The following CSMD1 variants were observed in gnomAD, a reference collection of about 807,000 sequenced individuals.
CSMD1 encodes CUB and sushi domain-containing protein 1.
A neutral mutation model predicts 417.5 loss-of-function variants in CSMD1; 213 were observed. The ratio of observed to expected loss-of-function variants is 0.51; its 90% CI spans 0.46 to 0.57. The LOEUF (loss-of-function observed/expected upper bound fraction) is 0.57, where lower values mean the gene tolerates loss of function less well. Among genes scored for constraint, CSMD1 ranks in the 20% least tolerant of loss-of-function variants. The pLI, the probability that CSMD1 is intolerant of heterozygous loss-of-function variation, is 0.00. For synonymous variants in CSMD1, 2,862 were observed against 1,736.8 expected (o/e 1.65, Z -16.11); for missense variants, 6,923 against 4,529.7 (o/e 1.53, Z -15.17).
intron 5 of CSMD1, among the ~76,000 whole-genome samples, chr8:3,903,163 T>A (rs1807873973): frequency 6.6e-6 from 1 of 152,128 alleles, no homozygotes. Context: ...TGCATTCCAT[T>A]TAGCGATTGA....
intron 3 of CSMD1, among the ~76,000 whole-genome samples, chr8:4,188,446 G>C (rs1213348513): frequency 1.3e-5 from 2 of 152,228 alleles, no homozygotes; most frequent in East Asian, 3.9e-4. Flanking sequence ...CTGAAATCCA[G>C]CCTGAGAAAC....
chr8:4,279,732 G>A (rs983515171), intron 3 of CSMD1, among the ~76,000 whole-genome samples: 7 of 152,196 alleles, frequency 4.6e-5, no homozygotes, highest in African/African-American at 1.2e-4. Flanking sequence ...AATTTTCAAT[G>A]CAGCATTTCT....
At chr8:4,564,166 G>C (rs1353905781) in intron 2 of CSMD1, among the ~76,000 whole-genome samples, 1 of 152,132 alleles carries the variant, frequency 6.6e-6, no homozygotes, top group African/African-American at 2.4e-5. Flanking sequence ...GAAGATAATG[G>C]TCAAGTCATT....
intron 52 of CSMD1, among the ~76,000 whole-genome samples, chr8:3,017,912 G>C (rs928366328): frequency 6.8e-6 from 1 of 147,296 alleles, no homozygotes; most frequent in Non-Finnish European, 1.5e-5. Context: ...GACCTACTAA[G>C]ATCACTCTTT....
intron 3 of CSMD1, among the ~76,000 whole-genome samples, chr8:4,174,477 G>T (rs1047944771): frequency 6.6e-6 from 1 of 151,490 alleles, no homozygotes; most frequent in African/African-American, 2.4e-5. Context: ...GGTTTGGAAG[G>T]TTATTAAATC....
intron 2 of CSMD1, among the ~76,000 whole-genome samples, chr8:4,489,821 G>C (rs1251444951): frequency 6.6e-6 from 1 of 152,146 alleles, no homozygotes; most frequent in Non-Finnish European, 1.5e-5. Context: ...TAGTCAGGCT[G>C]CCACCTGACT....
chr8:3,064,622 C>G (rs1812798380), intron 49 of CSMD1, among the ~76,000 whole-genome samples: 1 of 152,060 alleles, frequency 6.6e-6, no homozygotes, highest in Admixed American at 6.5e-5. Context: ...AACATATGAT[C>G]CAAACGTGGA....
intron 3 of CSMD1, among the ~76,000 whole-genome samples, chr8:4,048,796 G>A (rs1050836128): frequency 4.6e-5 from 7 of 152,152 alleles, no homozygotes; most frequent in African/African-American, 7.2e-5. Context: ...TTATTATACA[G>A]TATATGTAGT....
chr8:4,910,227 G>T (rs1470354393), intron 1 of CSMD1, among the ~76,000 whole-genome samples: 1 of 152,026 alleles, frequency 6.6e-6, no homozygotes, highest in East Asian at 1.9e-4. Context: ...ATTCATCTTG[G>T]GAAATGTGAC....
chr8:4,193,596 C>T (rs1403470365), intron 3 of CSMD1, among the ~76,000 whole-genome samples: 1 of 152,056 alleles, frequency 6.6e-6, no homozygotes, highest in African/African-American at 2.4e-5. Flanking sequence ...ATGAGGGTCC[C>T]ACCGGGCCCT....
At chr8:3,766,915 G>A (rs77040314) in intron 5 of CSMD1, among the ~76,000 whole-genome samples, 4 of 152,072 alleles carry the variant, frequency 2.6e-5, no homozygotes, top group South Asian at 4.1e-4. Context: ...TCAGTCAGCT[G>A]GTAAGATATC....
intron 20 of CSMD1, among the ~76,000 whole-genome samples, chr8:3,360,479 G>C (rs566778684): frequency 6.6e-6 from 1 of 152,262 alleles, no homozygotes; most frequent in Admixed American, 6.5e-5. Flanking sequence ...TATTTGTTTG[G>C]TTTCCTCCTT....
intron 3 of CSMD1, among the ~76,000 whole-genome samples, chr8:4,403,110 C>T (rs540909639): frequency 6.6e-6 from 1 of 152,086 alleles, no homozygotes; most frequent in Non-Finnish European, 1.5e-5. Flanking sequence ...GGATTACAGG[C>T]GTGAGCCACT....
At chr8:4,466,107 C>T (rs981738381) in intron 2 of CSMD1, among the ~76,000 whole-genome samples, 4 of 152,044 alleles carry the variant, frequency 2.6e-5, no homozygotes, top group African/African-American at 7.2e-5. Flanking sequence ...CACCAGCTCT[C>T]GAGTAAATGG....
intron 1 of CSMD1, among the ~76,000 whole-genome samples, chr8:4,659,514 C>G (rs940115309): frequency 6.6e-6 from 1 of 152,124 alleles, no homozygotes; most frequent in Non-Finnish European, 1.5e-5. Flanking sequence ...TGAAAACATG[C>G]TAAGTGGAAG....
rs562600053 is a variant in CSMD1, at chr8:4,859,793, C to T, written c.85+134539G>A. Among the ~76,000 whole-genome samples the T allele has an allele frequency of 4.0e-4, 61 of 152,108 alleles. 1 individual carries two copies. The highest frequency in any genetic ancestry group is 1.4e-3 in the African/African-American group (59 of 41,494). Reference sequence around the variant, plus strand: ...TGGAGAGGATGTGGAGAAATAGGAACACTTTGACACTGTTGGTGGGACTGT... The same window carrying T: ...TGGAGAGGATGTGGAGAAATAGGAATACTTTGACACTGTTGGTGGGACTGT... On this transcript the variant is annotated intron_variant, in intron 1 of 69. Transcript: ENST00000635120.
At chr8:4,236,764 A>G (rs1428048363) in intron 3 of CSMD1, among the ~76,000 whole-genome samples, 2 of 152,198 alleles carry the variant, frequency 1.3e-5, no homozygotes, top group Non-Finnish European at 2.9e-5. Context: ...TTATCTCAAT[A>G]CATTTTACAA....
intron 10 of CSMD1, among the ~76,000 whole-genome samples, chr8:3,503,249 G>A (rs1168955024): frequency 6.6e-6 from 1 of 152,136 alleles, no homozygotes; most frequent in Non-Finnish European, 1.5e-5. Context: ...GGATATCCTT[G>A]CTTTATCTGA....
intron 7 of CSMD1, among the ~76,000 whole-genome samples, chr8:3,640,694 T>C (rs942456770): frequency 1.6e-4 from 25 of 152,178 alleles, no homozygotes; most frequent in African/African-American, 6.0e-4. Flanking sequence ...AAGGAGAGTG[T>C]GTGTCTATAA....
Sources: allele counts gnomAD v4.1 joint callset (sites outside exome capture counted in the v4.1 genomes callset), GRCh38; gene constraint gnomAD v4.1.1; transcripts MANE v1.5; gene names NCBI Gene and HGNC (gene_info 2026-07-23, HGNC 2026-07-21).